SULF1: variants seen among roughly 807,000 people sequenced by gnomAD.
SULF1 encodes the protein sulfatase 1.
SULF1 carries 46 observed loss-of-function variants against 110.5 expected under a neutral mutation model. The ratio of observed to expected loss-of-function variants is 0.42; its 90% CI spans 0.33 to 0.53. The LOEUF is 0.53. Ranked by LOEUF, SULF1 falls within the 20% of genes least tolerant of loss-of-function variation. SULF1 has a pLI of 0.12. For synonymous variants in SULF1, 371 were observed against 387.1 expected (o/e 0.96, Z 0.49); for missense variants, 941 against 1,094.2 (o/e 0.86, Z 1.98).
chr8:69,629,807 C>T (rs1252760246), intron 19 of SULF1, 128 bp downstream of exon 19: 3 of 845,454 alleles, frequency 3.5e-6, no homozygotes, highest in Non-Finnish European at 5.5e-6. Flanking sequence ...ATATTCTACT[C>T]TATACTGGAA....
At chr8:69,645,454 GA>G (rs968721876) in intron 22 of SULF1, among the ~76,000 whole-genome samples, 6 of 152,148 alleles carry the variant, frequency 3.9e-5, no homozygotes, top group Non-Finnish European at 8.8e-5. Context: ...AACATATAAA[GA>G]CAGAAAGAAT....
intron 3 of SULF1, among the ~76,000 whole-genome samples, chr8:69,561,637 T>C (rs756914603): frequency 2.6e-5 from 4 of 152,224 alleles, no homozygotes; most frequent in African/African-American, 4.8e-5. Flanking sequence ...TCCTACCTGG[T>C]TGCTACCATC....
chr8:69,644,755 C>T (rs558877687), intron 22 of SULF1, among the ~76,000 whole-genome samples: 6 of 115,374 alleles, frequency 5.2e-5, no homozygotes, highest in African/African-American at 1.8e-4. Context: ...AGGGAGACGC[C>T]GTCTCAAAAA....
At chr8:69,650,118 C>T (rs1400967096) in intron 22 of SULF1, among the ~76,000 whole-genome samples, 1 of 150,320 alleles carries the variant, frequency 6.7e-6, no homozygotes, top group Non-Finnish European at 1.5e-5. Flanking sequence ...ACCTCAGCCT[C>T]CCAAGTAGCT....
rs893496892 is a variant in SULF1 at position 69,589,258 on chromosome 8, A to C, written c.734+117A>C. On this transcript the variant is annotated intron_variant, in intron 8 of 22. Transcript: ENST00000402687. ...CCTGCGTATCCACAAGGCTTTCTTC[A>C]TGAAAGGATAACTTAAGAGCAGACC... is the stretch of plus-strand genomic sequence containing the variant. 7.6e-6 allele frequency: 8 copies of C among 1,057,790 alleles called. No individual in the cohort carries two copies. In the Admixed American group the frequency reaches 2.2e-4, roughly 29 times the overall value. The allele number at this position is 1,057,790 out of a possible 1,614,324, so 65.5% of individuals were successfully genotyped here. A position where few individuals can be genotyped will look rare whatever the true frequency, so the allele number is the denominator to read the frequency against.
intron 6 of SULF1, among the ~76,000 whole-genome samples, chr8:69,582,881 A>T (rs1806177724): frequency 6.6e-6 from 1 of 152,132 alleles, no homozygotes; most frequent in Non-Finnish European, 1.5e-5. Context: ...GAAAAGGAAA[A>T]TCATCTTGTG....
intron 3 of SULF1, among the ~76,000 whole-genome samples, chr8:69,531,806 G>A (rs191446825): frequency 1.2e-4 from 18 of 152,182 alleles, no homozygotes; most frequent in African/African-American, 2.6e-4. Flanking sequence ...TTTCCAAGAC[G>A]ACCTTTTCCT....
At chr8:69,590,644 A>G (rs553157997) in intron 8 of SULF1, among the ~76,000 whole-genome samples, 1 of 152,332 alleles carries the variant, frequency 6.6e-6, no homozygotes, top group African/African-American at 2.4e-5. Flanking sequence ...GAGCATGCCC[A>G]GGAACTCAGA....
chr8:69,505,085 G>A (rs549136655), intron 3 of SULF1, among the ~76,000 whole-genome samples: 1 of 152,304 alleles, frequency 6.6e-6, no homozygotes, highest in South Asian at 2.1e-4. Flanking sequence ...AGTTCAAGGA[G>A]ATACTATAAG....
At chr8:69,532,091 C>T (rs181473504) in intron 3 of SULF1, among the ~76,000 whole-genome samples, 24 of 152,240 alleles carry the variant, frequency 1.6e-4, no homozygotes, top group African/African-American at 5.3e-4. Context: ...TTCATGAAGC[C>T]ACTGTGTCTT....
At chr8:69,574,168 G>A (rs760853448) in intron 5 of SULF1, among the ~76,000 whole-genome samples, 6 of 152,298 alleles carry the variant, frequency 3.9e-5, no homozygotes, top group East Asian at 3.9e-4. Context: ...CATGCCGTTC[G>A]TGTCTTTGAC....
intron 3 of SULF1, among the ~76,000 whole-genome samples, chr8:69,526,216 C>T (rs7002533): frequency 0.016 from 2,461 of 152,148 alleles, 60 homozygotes; most frequent in African/African-American, 0.053. Context: ...TTGAGTTCAA[C>T]GAAACCCCTC....
At chr8:69,613,464 A>G (rs1274631619) in intron 13 of SULF1, among the ~76,000 whole-genome samples, 4 of 152,292 alleles carry the variant, frequency 2.6e-5, no homozygotes, top group Admixed American at 2.0e-4. Flanking sequence ...AAATGCAGAA[A>G]TTATAATGAT....
intron 3 of SULF1, among the ~76,000 whole-genome samples, chr8:69,508,490 G>A (rs546018960): frequency 6.6e-6 from 1 of 152,276 alleles, no homozygotes; most frequent in Admixed American, 6.5e-5. Context: ...TTCCAAGAAA[G>A]TGCTTAATAT....
chr8:69,605,141 A>G (rs1212713870), intron 13 of SULF1, among the ~76,000 whole-genome samples: 1 of 152,204 alleles, frequency 6.6e-6, no homozygotes, highest in African/African-American at 2.4e-5. Flanking sequence ...GGCTCCCTCC[A>G]GTTAAAAAAG....
chr8:69,658,325 T>C (rs1377670136), intron 22 of SULF1, among the ~76,000 whole-genome samples, 180 bp from the exon 23 acceptor site: 1 of 152,198 alleles, frequency 6.6e-6, no homozygotes, highest in Non-Finnish European at 1.5e-5. Context: ...TCCCCAATTT[T>C]CTGTTGTTTA....
intron 15 of SULF1, chr8:69,626,114 G>A (rs1258350105): frequency 6.6e-6 from 1 of 150,854 alleles, no homozygotes; most frequent in Non-Finnish European, 1.5e-5. Context: ...GTCAAATGGT[G>A]TATTCACAAT....
chr8:69,521,221 T>C (rs1812273436), intron 3 of SULF1, among the ~76,000 whole-genome samples: 1 of 152,190 alleles, frequency 6.6e-6, no homozygotes, highest in Non-Finnish European at 1.5e-5. Context: ...TTAATAAATA[T>C]TTGTTGGGCA....
chr8:69,657,601 T>G (rs996647621), intron 22 of SULF1, among the ~76,000 whole-genome samples: 2 of 152,238 alleles, frequency 1.3e-5, no homozygotes, highest in Non-Finnish European at 2.9e-5. Flanking sequence ...TCTGCTGGGA[T>G]TTGGTGTCAA....
Sources: allele counts gnomAD v4.1 joint callset (sites outside exome capture counted in the v4.1 genomes callset), GRCh38; gene constraint gnomAD v4.1.1; transcripts MANE v1.5; gene names NCBI Gene and HGNC (gene_info 2026-07-23, HGNC 2026-07-21).